The following RBFOX3 variants were observed in gnomAD, a reference collection of about 807,000 sequenced individuals.
The protein encoded by RBFOX3 is RNA binding fox-1 homolog 3, also known as RNA binding protein fox-1 homolog 3.
RBFOX3 carries 17 observed loss-of-function variants against 48.7 expected under a neutral mutation model. The ratio of observed to expected loss-of-function variants is 0.35; its 90% CI spans 0.24 to 0.52. RBFOX3 has a LOEUF of 0.52. Ranked by LOEUF, RBFOX3 falls within the 20% of genes least tolerant of loss-of-function variation. RBFOX3 has a pLI of 0.94. For missense variants in RBFOX3, 382 were observed against 497.5 expected (o/e 0.77, Z 2.21); for synonymous variants, 212 against 209.5 (o/e 1.01, Z -0.10).
At chr17:79,524,332 CA>C (rs1204247104) in intron 1 of RBFOX3, among the ~76,000 whole-genome samples, 1 of 152,174 alleles carries the variant, frequency 6.6e-6, no homozygotes, top group East Asian at 1.9e-4. Flanking sequence ...TTCAAGCAGG[CA>C]AACAGCTTCA....
rs138984353 is a variant in RBFOX3, at chr17:79,477,257, TAA to T, written c.-175+5195_-175+5196del. Among the ~76,000 whole-genome samples, 385 of 113,302 alleles carry T rather than the reference TAA, an allele frequency of 3.4e-3. 1 individual carries two copies. Among genetic ancestry groups the T allele is most frequent in the Middle Eastern group, 0.014 (2 of 142 alleles). The allele number at this position is 113,302 out of a possible 152,430, so 74.3% of individuals were successfully genotyped here. On this transcript the variant is annotated intron_variant, in intron 2 of 14. Transcript: ENST00000693108. The surrounding 1 kb of genome is among the most constrained non-coding windows in gnomAD (Gnocchi z 4.8). ...CAAAAAAAAATAAATAAAGATAAAT[TAA>T]AAAAAAAAAAAAAAAAAGAGGGCGC...
intron 1 of RBFOX3, among the ~76,000 whole-genome samples, chr17:79,539,410 G>A (rs1003487639): frequency 9.2e-5 from 14 of 152,314 alleles, no homozygotes; most frequent in East Asian, 7.7e-4. Context: ...ATCACATAGT[G>A]TGGAGGCATC....
At chr17:79,348,946 C>T (rs1423908767) in intron 2 of RBFOX3, among the ~76,000 whole-genome samples, 1 of 152,008 alleles carries the variant, frequency 6.6e-6, no homozygotes, top group African/African-American at 2.4e-5. Context: ...AGAAACCCTG[C>T]TCTTCCCTCT....
At chr17:79,639,885 A>C in the RBFOX3 span, among the ~76,000 whole-genome samples, 6 of 152,194 alleles carry the variant, frequency 3.9e-5, no homozygotes, top group Non-Finnish European at 8.8e-5. Context: ...ATGGGAAAAA[A>C]ACTGAAAGCC....
chr17:79,249,617 A>G lies in RBFOX3; in HGVS notation c.-73-13812T>C, dbSNP rs2063651016. ...CCCAGAGCCAGGTACAGACAATCAG[A>G]TCCAGCCCCATAGCCCAGAGCTCAC... On this transcript the variant is annotated intron_variant, in intron 3 of 14. Transcript: ENST00000693108. This position sits in a 1 kb window ranked among gnomAD's most constrained non-coding sequence, Gnocchi z 4.1. 6.6e-6 allele frequency among the ~76,000 whole-genome samples: 1 copy of G among 152,008 alleles called. No individual in the cohort carries two copies. The highest frequency in any genetic ancestry group is 6.6e-5 in the Admixed American group (1 of 15,254).
At chr17:79,429,791 G>C (rs570653138) in intron 2 of RBFOX3, among the ~76,000 whole-genome samples, 1 of 152,122 alleles carries the variant, frequency 6.6e-6, no homozygotes, top group African/African-American at 2.4e-5. Context: ...TGCCAGCTGC[G>C]TTGGGCTCCA....
At chr17:79,155,621 G>A (rs2045602787) in intron 4 of RBFOX3, among the ~76,000 whole-genome samples, 1 of 152,206 alleles carries the variant, frequency 6.6e-6, no homozygotes, top group African/African-American at 2.4e-5. Flanking sequence ...AGACGAAGTG[G>A]GTGGGGAGAA....
At chr17:79,305,327 TTA>T (rs1259040444) in intron 3 of RBFOX3, among the ~76,000 whole-genome samples, 1 of 152,128 alleles carries the variant, frequency 6.6e-6, no homozygotes, top group African/African-American at 2.4e-5. Context: ...CTTTCAATCA[TTA>T]TGTTTTTCTT....
chr17:79,090,712 G>C lies in RBFOX3; in HGVS notation c.*171C>G, dbSNP rs1018187262. On this transcript the variant is annotated 3_prime_UTR_variant, in exon 15 of 15. Transcript: ENST00000693108. ...CCCTGCCGGCGTGCTCCCTCGGTGC[G>C]GGCGTGTGGCCAGGACGCGGGACTT... is the stretch of plus-strand genomic sequence containing the variant. 4.9e-6 allele frequency: 4 copies of C among 820,180 alleles called. No homozygotes were observed. Among genetic ancestry groups the C allele is most frequent in the Non-Finnish European group, 7.5e-6 (4 of 530,314 alleles). 50.8% of individuals were successfully genotyped at this position (820,180 alleles called of 1,614,324 possible).
intron 1 of RBFOX3, among the ~76,000 whole-genome samples, chr17:79,608,521 A>G (rs1017684529): frequency 2.5e-4 from 38 of 152,308 alleles, no homozygotes; most frequent in Admixed American, 2.5e-3. Context: ...AACTCACCCC[A>G]GAAAACCCCG....
intron 1 of RBFOX3, among the ~76,000 whole-genome samples, chr17:79,545,992 A>G (rs368925087): frequency 1.3e-5 from 2 of 152,366 alleles, no homozygotes; most frequent in African/African-American, 4.8e-5. Context: ...ACATGCATGT[A>G]TACTACTGCA....
intron 4 of RBFOX3, among the ~76,000 whole-genome samples, chr17:79,183,822 G>C (rs1456713748): frequency 6.6e-6 from 1 of 152,176 alleles, no homozygotes; most frequent in Non-Finnish European, 1.5e-5. Context: ...CGGCACAACA[G>C]CTGATCCCAC....
chr17:79,160,991 A>C (rs530554754), intron 4 of RBFOX3, among the ~76,000 whole-genome samples: 157 of 151,540 alleles, frequency 1.0e-3, no homozygotes, highest in Middle Eastern at 0.01. Flanking sequence ...AAAAAAAAAA[A>C]AAAAAACAAA....
At chr17:79,523,545 G>A (rs1459381123) in intron 1 of RBFOX3, among the ~76,000 whole-genome samples, 1 of 152,126 alleles carries the variant, frequency 6.6e-6, no homozygotes, top group Admixed American at 6.5e-5. Flanking sequence ...GTCCTCAGTG[G>A]TGACTTTCTA....
At chr17:79,118,992 A>G (rs1568165811) in intron 4 of RBFOX3, among the ~76,000 whole-genome samples, 3 of 143,034 alleles carry the variant, frequency 2.1e-5, no homozygotes, top group Non-Finnish European at 4.5e-5. Flanking sequence ...AAAAAAAAAA[A>G]ATAAAGAAAA....
the RBFOX3 span, among the ~76,000 whole-genome samples, chr17:79,641,698 C>T: frequency 2.6e-5 from 4 of 152,198 alleles, no homozygotes; most frequent in Non-Finnish European, 5.9e-5. Flanking sequence ...TCTGTGTCCC[C>T]ACCCAAATCT....
intron 1 of RBFOX3, among the ~76,000 whole-genome samples, chr17:79,609,384 G>A (rs943603344): frequency 6.6e-6 from 1 of 152,110 alleles, no homozygotes; most frequent in Non-Finnish European, 1.5e-5. Flanking sequence ...CTGCGCGCCC[G>A]AGAAGCGACT....
At chr17:79,620,331 GCA>G in the RBFOX3 span, among the ~76,000 whole-genome samples, 2 of 141,734 alleles carry the variant, frequency 1.4e-5, no homozygotes, top group East Asian at 2.2e-4. Context: ...ATACACGCAC[GCA>G]CACAGACATG....
At chr17:79,653,367 T>G in the RBFOX3 span, among the ~76,000 whole-genome samples, 2 of 152,210 alleles carry the variant, frequency 1.3e-5, no homozygotes, top group African/African-American at 4.8e-5. Context: ...TGGAAGGTTG[T>G]ATGAAAAGGC....
Sources: gnomAD v4.1 joint callset for allele counts (sites outside exome capture counted in the v4.1 genomes callset) on GRCh38, gnomAD v4.1.1 for gene constraint, Gnocchi (gnomAD v3.1) non-coding constraint, MANE v1.5 for transcripts, NCBI Gene and HGNC (gene_info 2026-07-23, HGNC 2026-07-21) for gene names.